The following CCSER1 variants were observed in gnomAD, a reference collection of about 807,000 sequenced individuals.
CCSER1 encodes the protein coiled-coil serine rich protein 1.
A neutral mutation model predicts 82.0 loss-of-function variants in CCSER1; 41 were observed. The ratio of observed to expected loss-of-function variants is 0.50; its 90% CI spans 0.39 to 0.65. CCSER1 has a LOEUF of 0.65. Ranked by LOEUF, CCSER1 falls within the 30% of genes least tolerant of loss-of-function variation. CCSER1 has a pLI of 0.00. For missense variants in CCSER1, 1,119 were observed against 1,064.2 expected (o/e 1.05, Z -0.72); for synonymous variants, 414 against 383.9 (o/e 1.08, Z -0.92).
At chr4:90,789,026 A>C (rs942620907) in intron 7 of CCSER1, among the ~76,000 whole-genome samples, 3 of 145,490 alleles carry the variant, frequency 2.1e-5, no homozygotes, top group Non-Finnish European at 3.0e-5. Context: ...ACACACACAC[A>C]CCATCTCAAT....
intron 6 of CCSER1, among the ~76,000 whole-genome samples, chr4:90,669,269 C>A (rs62314395): frequency 6.6e-6 from 1 of 151,698 alleles, no homozygotes; most frequent in African/African-American, 2.4e-5. Context: ...GCATTTTTCT[C>A]TTAAAATAAA....
chr4:90,956,944 C>CTTT (rs35180536), intron 9 of CCSER1, among the ~76,000 whole-genome samples: 1,711 of 129,314 alleles, frequency 0.013, 41 homozygotes, highest in Non-Finnish European at 0.019. Context: ...CACAACCAGC[C>CTTT]TTTTTTTTTT....
At chr4:90,469,317 A>T (rs968561606) in intron 5 of CCSER1, among the ~76,000 whole-genome samples, 2 of 152,108 alleles carry the variant, frequency 1.3e-5, no homozygotes, top group Non-Finnish European at 2.9e-5. Context: ...CAGTATTAAT[A>T]TTCTTATTAT....
chr4:90,380,516 A>G (rs1380277453), intron 3 of CCSER1, among the ~76,000 whole-genome samples: 6 of 152,180 alleles, frequency 3.9e-5, no homozygotes, highest in Admixed American at 3.9e-4. Context: ...GAAAGATACA[A>G]TATTTAGCCT....
chr4:91,241,904 TAAA>T lies in CCSER1; in HGVS notation c.2217+155913_2217+155915del, dbSNP rs1213939473. ...CCATAACACCATGCATATTTTAACT[TAAA>T]AACCCTAATATCTCTATATATTTTT... On this transcript the variant is annotated intron_variant, in intron 10 of 10. Transcript: ENST00000509176. 7.9e-5 allele frequency among the ~76,000 whole-genome samples: 12 copies of T among 152,248 alleles called. No individual in the cohort carries two copies. In the East Asian group the frequency reaches 1.9e-3, roughly 24 times the overall value.
At chr4:91,006,401 G>C (rs1738510449) in intron 9 of CCSER1, among the ~76,000 whole-genome samples, 1 of 151,220 alleles carries the variant, frequency 6.6e-6, no homozygotes, top group Non-Finnish European at 1.5e-5. Context: ...GCATTATTTA[G>C]GGATTTCTAT....
At chr4:90,477,432 G>A (rs570657939) in intron 5 of CCSER1, among the ~76,000 whole-genome samples, 1 of 152,236 alleles carries the variant, frequency 6.6e-6, no homozygotes, top group Non-Finnish European at 1.5e-5. Context: ...AGTAAAGCAG[G>A]TAGAATCATG....
At chr4:91,260,321 G>T (rs1673786213) in intron 10 of CCSER1, among the ~76,000 whole-genome samples, 1 of 152,128 alleles carries the variant, frequency 6.6e-6, no homozygotes, top group South Asian at 2.1e-4. Flanking sequence ...ACACACCCAT[G>T]CATGGGCTTG....
intron 10 of CCSER1, among the ~76,000 whole-genome samples, chr4:91,429,863 A>G (rs1304599141): frequency 1.3e-5 from 2 of 150,948 alleles, no homozygotes; most frequent in Non-Finnish European, 1.5e-5. Context: ...GTTAATTAAG[A>G]TAAGTATATT....
chr4:91,572,445 C>T (rs1434481471), intron 10 of CCSER1, among the ~76,000 whole-genome samples: 1 of 152,098 alleles, frequency 6.6e-6, no homozygotes, highest in African/African-American at 2.4e-5. Flanking sequence ...CACTGCCAGA[C>T]TGATTCAGTT....
At chr4:91,137,117 C>A (rs1581624732) in intron 10 of CCSER1, among the ~76,000 whole-genome samples, 1 of 143,462 alleles carries the variant, frequency 7.0e-6, no homozygotes, top group Middle Eastern at 3.5e-3. Context: ...CCCACTAACT[C>A]GTCATCTAGC....
intron 6 of CCSER1, chr4:90,663,904 G>C: frequency 2.8e-6 from 1 of 361,708 alleles, no homozygotes; most frequent in South Asian, 2.2e-5. Flanking sequence ...TTATTTTCTA[G>C]TTGTATGAAA....
chr4:91,568,247 A>G (rs1295904372), intron 10 of CCSER1, among the ~76,000 whole-genome samples: 2 of 151,820 alleles, frequency 1.3e-5, no homozygotes, highest in African/African-American at 4.8e-5. Flanking sequence ...TTTGTAGGTG[A>G]CCTGCCCTTT....
intron 4 of CCSER1, among the ~76,000 whole-genome samples, chr4:90,445,136 A>C (rs1578497638): frequency 6.6e-6 from 1 of 152,056 alleles, no homozygotes; most frequent in South Asian, 2.1e-4. Flanking sequence ...AGCCTGGAGA[A>C]GGAACTGTTA....
At chr4:90,226,397 C>T (rs745360033) in intron 1 of CCSER1, among the ~76,000 whole-genome samples, 8 of 152,178 alleles carry the variant, frequency 5.3e-5, no homozygotes, top group African/African-American at 9.7e-5. Context: ...TACCTATGCC[C>T]GTCCCAAGAT....
chr4:91,105,937 T>A (rs1725567986), intron 10 of CCSER1, among the ~76,000 whole-genome samples: 1 of 152,150 alleles, frequency 6.6e-6, no homozygotes, highest in African/African-American at 2.4e-5. Flanking sequence ...AACATCAAAG[T>A]GTTTTGTACA....
At chr4:91,276,263 A>C (rs918734210) in intron 10 of CCSER1, among the ~76,000 whole-genome samples, 1 of 147,516 alleles carries the variant, frequency 6.8e-6, no homozygotes, top group Non-Finnish European at 1.5e-5. Flanking sequence ...TAGTTACATT[A>C]ATGATGTTAA....
chr4:90,385,223 T>C (rs1354093530), intron 3 of CCSER1, among the ~76,000 whole-genome samples: 1 of 152,142 alleles, frequency 6.6e-6, no homozygotes, highest in Non-Finnish European at 1.5e-5. Context: ...CATAATGACT[T>C]AGTTTTCTTT....
intron 10 of CCSER1, among the ~76,000 whole-genome samples, chr4:91,301,191 T>C (rs1744638110): frequency 6.6e-6 from 1 of 151,902 alleles, no homozygotes; most frequent in South Asian, 2.1e-4. Context: ...AAGGTCATAA[T>C]TGTCTGATTA....
Sources: gnomAD v4.1 joint callset for allele counts (sites outside exome capture counted in the v4.1 genomes callset) on GRCh38, gnomAD v4.1.1 for gene constraint, MANE v1.5 for transcripts, NCBI Gene and HGNC (gene_info 2026-07-23, HGNC 2026-07-21) for gene names.